The following GNA14 variants were observed in gnomAD, a reference collection of about 807,000 sequenced individuals.
The protein encoded by GNA14 is guanine nucleotide-binding protein subunit alpha-14.
In GNA14, 50 loss-of-function variants were observed where a neutral mutation model predicts 42.0. The observed-to-expected ratio is 1.19, with a 90% CI of 0.95 to 1.51. The LOEUF is 1.51. Ranked by LOEUF, GNA14 falls within the 40% of genes most tolerant of loss-of-function variation. The pLI, the probability that GNA14 is intolerant of heterozygous loss-of-function variation, is 0.00. For missense variants in GNA14, 473 were observed against 446.2 expected (o/e 1.06, Z -0.54); for synonymous variants, 173 against 163.1 (o/e 1.06, Z -0.46).
chr9:77,515,457 A>C (rs1837237126), intron 2 of GNA14, among the ~76,000 whole-genome samples: 1 of 152,214 alleles, frequency 6.6e-6, no homozygotes. Flanking sequence ...GCTGCCAAAA[A>C]CCACAAGGCT....
rs1184770113 is a variant in GNA14 at position 77,423,726 on chromosome 9, A to G, written c.*253T>C. 7.7e-6 allele frequency: 2 copies of G among 260,844 alleles called. No individual in the cohort carries two copies. The highest frequency in any genetic ancestry group is 1.4e-5 in the Non-Finnish European group (2 of 139,412). The allele number at this position is 260,844 out of a possible 1,614,324, so 16.2% of individuals were successfully genotyped here. A position where few individuals can be genotyped will look rare whatever the true frequency, so the allele number is the denominator to read the frequency against. On this transcript the variant is annotated 3_prime_UTR_variant, in exon 7 of 7. Coordinates refer to ENST00000341700, the MANE Select transcript of GNA14 (RefSeq NM_004297.4). ...ATTCTAGAAAACACCAAATTCAAAAATTACACAAAATCTTATAGCCAAAAG... is the reference window on the plus strand; with the variant it reads ...ATTCTAGAAAACACCAAATTCAAAAGTTACACAAAATCTTATAGCCAAAAG...
chr9:77,616,444 T>C (rs752534522), intron 1 of GNA14, among the ~76,000 whole-genome samples: 80 of 152,196 alleles, frequency 5.3e-4, no homozygotes, highest in Non-Finnish European at 9.0e-4. Context: ...ACTTATTATG[T>C]GCTGAGTAGA....
intron 5 of GNA14, among the ~76,000 whole-genome samples, chr9:77,428,383 G>A (rs914257317): frequency 2.6e-5 from 4 of 152,112 alleles, no homozygotes; most frequent in African/African-American, 7.2e-5. Flanking sequence ...CCAGCCAAGA[G>A]ATGGCATTTT....
chr9:77,480,187 T>A (rs549200007), intron 2 of GNA14, among the ~76,000 whole-genome samples: 1 of 152,178 alleles, frequency 6.6e-6, no homozygotes, highest in Non-Finnish European at 1.5e-5. Context: ...GGCTGTGGGT[T>A]TGTCATAGAT....
chr9:77,435,010 A>AG lies in GNA14; in HGVS notation c.310-489_310-488insC, dbSNP rs1564013146. ...CTTGTCTTTAGAGAAGTGAAACACA[A>AG]TAACAACTTATCATCAGTCTGGGAT... is the stretch of plus-strand genomic sequence containing the variant. On this transcript the variant is annotated intron_variant, in intron 2 of 6. Transcript: ENST00000341700. Among the ~76,000 whole-genome samples the AG allele has an allele frequency of 2.8e-3, 427 of 151,300 alleles. 3 individuals are homozygous for AG. The highest frequency in any genetic ancestry group is 9.9e-3 in the African/African-American group (405 of 40,982).
intron 2 of GNA14, among the ~76,000 whole-genome samples, chr9:77,456,834 A>T (rs1263661320): frequency 2.0e-5 from 3 of 152,184 alleles, no homozygotes; most frequent in Non-Finnish European, 4.4e-5. Flanking sequence ...TTAAAAAATA[A>T]ATCAGCTAAT....
Position 77,606,810 on chromosome 9 carries a change from T to C in GNA14, c.124+40860A>G, listed in dbSNP as rs947979337. Among the ~76,000 whole-genome samples, 5 of 152,262 alleles carry C rather than the reference T, an allele frequency of 3.3e-5. No homozygotes were observed. The East Asian group carries it at 7.7e-4, about 24-fold the overall frequency. On this transcript the variant is annotated intron_variant, in intron 1 of 6. Transcript: ENST00000341700. ...GGTCATGTGTTGAAACCCTAACCCA[T>C]AGTGCAATGATATAAGATGGTGAGG...
chr9:77,531,622 T>G (rs1276149094), intron 1 of GNA14, among the ~76,000 whole-genome samples: 1 of 152,160 alleles, frequency 6.6e-6, no homozygotes, highest in Non-Finnish European at 1.5e-5. Flanking sequence ...GAAGCTGATG[T>G]GAATGCAGAG....
intron 1 of GNA14, 97 bp from the exon 2 acceptor site, chr9:77,529,350 A>C: frequency 1.1e-6 from 1 of 918,342 alleles, no homozygotes; most frequent in Non-Finnish European, 1.8e-6. Flanking sequence ...CCACATCCCA[A>C]TTAATAGGCT....
intron 1 of GNA14, among the ~76,000 whole-genome samples, chr9:77,639,737 C>A (rs556011742): frequency 1.3e-5 from 2 of 152,210 alleles, no homozygotes; most frequent in East Asian, 1.9e-4. Flanking sequence ...TGCCCTTTTG[C>A]GGAGCCTCCT....
intron 2 of GNA14, among the ~76,000 whole-genome samples, chr9:77,524,749 C>G (rs1430038059): frequency 6.6e-6 from 1 of 152,012 alleles, no homozygotes; most frequent in Non-Finnish European, 1.5e-5. Context: ...ATAACAGCCA[C>G]AGGAAAATGA....
chr9:77,489,720 A>T (rs1470941804), intron 2 of GNA14, among the ~76,000 whole-genome samples: 1 of 151,356 alleles, frequency 6.6e-6, no homozygotes, highest in East Asian at 1.9e-4. Flanking sequence ...CTCTTAAGGC[A>T]GCGCGTCTGG....
intron 1 of GNA14, among the ~76,000 whole-genome samples, chr9:77,539,306 G>A (rs779834481): frequency 7.2e-5 from 11 of 152,116 alleles, no homozygotes; most frequent in Non-Finnish European, 1.0e-4. Flanking sequence ...GATATATCAC[G>A]TTTATTGATT....
At chr9:77,505,307 G>C (rs1837050228) in intron 2 of GNA14, among the ~76,000 whole-genome samples, 1 of 152,120 alleles carries the variant, frequency 6.6e-6, no homozygotes, top group Non-Finnish European at 1.5e-5. Context: ...CTTGGCAAAG[G>C]CTCTTTGAAT....
At chr9:77,457,668 C>G (rs1391140421) in intron 2 of GNA14, among the ~76,000 whole-genome samples, 1 of 152,164 alleles carries the variant, frequency 6.6e-6, no homozygotes, top group Non-Finnish European at 1.5e-5. Context: ...CATTGACATG[C>G]CTTTTACTTC....
intron 2 of GNA14, among the ~76,000 whole-genome samples, chr9:77,452,167 C>T (rs958799440): frequency 2.0e-5 from 3 of 152,120 alleles, no homozygotes; most frequent in South Asian, 2.1e-4. Flanking sequence ...CTGAGATAGA[C>T]GTGTAGCCAA....
intron 1 of GNA14, chr9:77,580,254 A>G: frequency 1.1e-5 from 3 of 285,432 alleles, no homozygotes; most frequent in South Asian, 1.0e-4. Context: ...AATGGGAGAT[A>G]AGCTGATTTG....
intron 1 of GNA14, among the ~76,000 whole-genome samples, chr9:77,549,800 G>A (rs905776446): frequency 1.3e-5 from 2 of 152,150 alleles, no homozygotes; most frequent in Non-Finnish European, 2.9e-5. Context: ...AGGGAGCAAT[G>A]AGGACACAGG....
chr9:77,566,312 G>A (rs1231055828), intron 1 of GNA14, among the ~76,000 whole-genome samples: 1 of 151,862 alleles, frequency 6.6e-6, no homozygotes. Context: ...GTGCCACCAT[G>A]CCTGGCTAAT....
Sources: allele counts gnomAD v4.1 joint callset (sites outside exome capture counted in the v4.1 genomes callset), GRCh38; gene constraint gnomAD v4.1.1; transcripts MANE v1.5; gene names NCBI Gene and HGNC (gene_info 2026-07-23, HGNC 2026-07-21).